REEP1: variants seen among roughly 807,000 people sequenced by gnomAD.
REEP1 encodes the protein receptor expression-enhancing protein 1.
In REEP1, 22 loss-of-function variants were observed where a neutral mutation model predicts 40.3. That is an observed-to-expected ratio of 0.55 (90% CI 0.39 to 0.78). REEP1 has a LOEUF of 0.78. REEP1 is among the 30% of genes least tolerant of loss of function. The pLI is 0.00. For missense variants in REEP1, 280 were observed against 361.1 expected (o/e 0.78, Z 1.82); for synonymous variants, 116 against 139.2 (o/e 0.83, Z 1.17).
At position 86,309,381 on chromosome 2, in the gene REEP1, T is replaced by G. The variant is rs1679653557; in HGVS notation, c.33-27139A>C. On this transcript the variant is annotated intron_variant, in intron 1 of 8. Coordinates refer to ENST00000538924, the MANE Select transcript of REEP1 (RefSeq NM_001371279.1). Reference sequence around the variant, plus strand: ...CTTACAGCCACTCTCAGGAGAGACCTGAAGACCAACTTTGAAAGAAATCAC... The same window carrying G: ...CTTACAGCCACTCTCAGGAGAGACCGGAAGACCAACTTTGAAAGAAATCAC... Among the ~76,000 whole-genome samples the G allele has an allele frequency of 2.0e-5, 3 of 152,262 alleles. No homozygotes were observed. The South Asian group carries it at 6.2e-4, about 31-fold the overall frequency.
intron 5 of REEP1, among the ~76,000 whole-genome samples, chr2:86,234,529 A>AAGAAAGAAAGAAGTGCCAGAC (rs1312683203): frequency 6.6e-6 from 1 of 152,120 alleles, no homozygotes; most frequent in Non-Finnish European, 1.5e-5. Flanking sequence ...AAAAAATAAA[A>AAGAAAGAAAGAAGTGCCAGAC]AGAAAGAAAG....
upstream of REEP1, chr2:86,338,032 A>G (rs1250254261): frequency 2.0e-6 from 3 of 1,537,120 alleles, no homozygotes; most frequent in African/African-American, 4.1e-5. Flanking sequence ...ACCTGGATCC[A>G]GACCTAACCT....
At chr2:86,232,945 C>G in intron 5 of REEP1, 143 bp from the exon 6 acceptor site, 1 of 813,132 alleles carries the variant, frequency 1.2e-6, no homozygotes, top group Non-Finnish European at 2.0e-6. Context: ...CCAGACATAG[C>G]TGCTGGAAAC....
At chr2:86,227,998 T>C (rs1482278038) in intron 6 of REEP1, among the ~76,000 whole-genome samples, 2 of 152,204 alleles carry the variant, frequency 1.3e-5, no homozygotes, top group Admixed American at 6.5e-5. Context: ...ATATGGTATC[T>C]GACTACACAC....
chr2:86,245,370 GAGA>G (rs770628964), intron 5 of REEP1, among the ~76,000 whole-genome samples: 1 of 152,156 alleles, frequency 6.6e-6, no homozygotes, highest in Non-Finnish European at 1.5e-5. Flanking sequence ...TGTGTTCAAG[GAGA>G]AGGACACTCC....
At position 86,214,528 on chromosome 2, in the gene REEP1, G is replaced by GTGTC. The variant is rs1309988283; in HGVS notation, c.*2507_*2510dup. On this transcript the variant is annotated 3_prime_UTR_variant, in exon 9 of 9. Coordinates refer to ENST00000538924, the MANE Select transcript of REEP1 (RefSeq NM_001371279.1). ...CCAGCTAGCATTTTGTAAACAGCCT[G>GTGTC]TGTCTGTAAGTCAGCAAATTAAAAA... The GTGTC allele has an allele frequency of 7.2e-5, 11 of 152,682 alleles. No individual in the cohort carries two copies. Among genetic ancestry groups the GTGTC allele is most frequent in the Non-Finnish European group, 1.3e-4 (9 of 68,064 alleles). 9.5% of individuals were successfully genotyped at this position (152,682 alleles called of 1,614,324 possible).
chr2:86,226,158 C>A (rs948788263), intron 7 of REEP1, among the ~76,000 whole-genome samples: 10 of 141,090 alleles, frequency 7.1e-5, no homozygotes, highest in African/African-American at 1.3e-4. Context: ...CATCATCATC[C>A]TCATCATCCT....
At chr2:86,329,247 G>A (rs867366126) in intron 1 of REEP1, among the ~76,000 whole-genome samples, 11 of 152,302 alleles carry the variant, frequency 7.2e-5, no homozygotes, top group Middle Eastern at 6.8e-3. Flanking sequence ...CAGGATGCGG[G>A]GTGTGGCGAG....
chr2:86,332,305 AC>A (rs1405900840), intron 1 of REEP1, among the ~76,000 whole-genome samples: 1 of 151,980 alleles, frequency 6.6e-6, no homozygotes, highest in South Asian at 2.1e-4. Context: ...ACTCCCCCAG[AC>A]TAAGAATTCT....
chr2:86,333,560 G>C (rs1680869735), intron 1 of REEP1, among the ~76,000 whole-genome samples: 1 of 152,230 alleles, frequency 6.6e-6, no homozygotes, highest in Non-Finnish European at 1.5e-5. Context: ...CCCATAAGGG[G>C]TGAGAAGCTC....
In REEP1 at chr2:86,337,551, GGC is replaced by G; in HGVS notation, c.-43_-42del. On this transcript the variant is annotated 5_prime_UTR_variant, in exon 1 of 9. Coordinates refer to ENST00000538924, the MANE Select transcript of REEP1 (RefSeq NM_001371279.1). The surrounding 1 kb of genome is among the most constrained non-coding windows in gnomAD (Gnocchi z 5.8). The stretch of plus-strand genomic sequence containing the variant: ...GGGCGAGGCCCGGGCGGCGCGGCTC[GGC>G]TAGGCTGCGGGCGGCGCGGGCTGCT... The G allele has an allele frequency of 8.2e-7, 1 of 1,223,000 alleles. No individual in the cohort carries two copies. Among genetic ancestry groups the G allele is most frequent in the South Asian group, 3.6e-5 (1 of 28,028 alleles). 75.8% of individuals were successfully genotyped at this position (1,223,000 alleles called of 1,614,324 possible).
intron 8 of REEP1, 21 bp from the exon 9 acceptor site, chr2:86,217,131 G>T (rs532623543): frequency 1.2e-6 from 2 of 1,603,794 alleles, no homozygotes; most frequent in Admixed American, 1.7e-5. Flanking sequence ...AAACAGAAAG[G>T]TGTCCCTCAG....
intron 5 of REEP1, among the ~76,000 whole-genome samples, chr2:86,246,893 G>T (rs1326188404): frequency 6.6e-6 from 1 of 151,850 alleles, no homozygotes; most frequent in Non-Finnish European, 1.5e-5. Flanking sequence ...TGGAGACAGG[G>T]TTTCTCCATG....
chr2:86,330,414 G>GGTGTGTGTGTGT lies in REEP1; in HGVS notation c.32+7053_32+7064dup, dbSNP rs55660803. The stretch of plus-strand genomic sequence containing the variant: ...GACTCTCCCTACCACAGTGAATCCT[G>GGTGTGTGTGTGT]GTGTGTGTGTGTGTGTGTGTGTGTG... On this transcript the variant is annotated intron_variant, in intron 1 of 8. Coordinates refer to ENST00000538924, the MANE Select transcript of REEP1 (RefSeq NM_001371279.1). 3.1e-3 allele frequency among the ~76,000 whole-genome samples: 391 copies of GGTGTGTGTGTGT among 127,876 alleles called. 2 individuals carry two copies. The highest frequency in any genetic ancestry group is 7.3e-3 in the East Asian group (29 of 3,994). The allele number at this position is 127,876 out of a possible 152,430, so 83.9% of individuals were successfully genotyped here. A position where few individuals can be genotyped will look rare whatever the true frequency, so the allele number is the denominator to read the frequency against.
intron 2 of REEP1, among the ~76,000 whole-genome samples, chr2:86,271,405 C>T (rs189016809): frequency 5.1e-4 from 76 of 150,316 alleles, no homozygotes; most frequent in Non-Finnish European, 9.2e-4. Context: ...TGCAAAGATA[C>T]ATTACACACA....
chr2:86,318,380 GTTTTCTTTTC>G (rs200585932), intron 1 of REEP1, among the ~76,000 whole-genome samples: 37 of 141,236 alleles, frequency 2.6e-4, no homozygotes, highest in Non-Finnish European at 4.6e-4. Flanking sequence ...GGAAAAAGTA[GTTTTCTTTTC>G]TTTTCTTTTC....
At chr2:86,307,451 A>G (rs1679548012) in intron 1 of REEP1, among the ~76,000 whole-genome samples, 1 of 152,182 alleles carries the variant, frequency 6.6e-6, no homozygotes. Flanking sequence ...ACTTACTAGA[A>G]TGGATACAGC....
At chr2:86,249,079 C>A (rs1488294246) in intron 5 of REEP1, among the ~76,000 whole-genome samples, 1 of 151,978 alleles carries the variant, frequency 6.6e-6, no homozygotes, top group African/African-American at 2.4e-5. Flanking sequence ...GCCAACATGG[C>A]AAAACCCAGT....
chr2:86,248,416 A>G (rs1225448403), intron 5 of REEP1, among the ~76,000 whole-genome samples: 1 of 151,908 alleles, frequency 6.6e-6, no homozygotes, highest in Non-Finnish European at 1.5e-5. Context: ...GGCCTAGTTT[A>G]TTTTATTTAT....
Sources: allele counts gnomAD v4.1 joint callset (sites outside exome capture counted in the v4.1 genomes callset), GRCh38; gene constraint gnomAD v4.1.1; non-coding constraint Gnocchi (gnomAD v3.1); transcripts MANE v1.5; gene names NCBI Gene and HGNC (gene_info 2026-07-23, HGNC 2026-07-21).